ITGB4: variants seen among roughly 807,000 people sequenced by gnomAD.
ITGB4 encodes integrin beta-4.
A neutral mutation model predicts 207.6 loss-of-function variants in ITGB4; 159 were observed. That is an observed-to-expected ratio of 0.77 (90% confidence interval 0.67 to 0.87). The LOEUF (loss-of-function observed/expected upper bound fraction) is 0.87. Ranked by LOEUF, ITGB4 falls within the 40% of genes least tolerant of loss-of-function variation. ITGB4 has a pLI of 0.00. For missense variants in ITGB4, 2,278 were observed against 2,546.8 expected (o/e 0.89, Z 2.27); for synonymous variants, 1,020 against 1,062.7 (o/e 0.96, Z 0.78).
chr17:75,730,499 T>C lies in ITGB4; in HGVS notation c.997T>C (p.Tyr333His), dbSNP rs761952496. The C allele has an allele frequency of 1.3e-5, 21 of 1,613,518 alleles. No individual in the cohort carries two copies. Among genetic ancestry groups the C allele is most frequent in the Non-Finnish European group, 1.8e-5 (21 of 1,179,996 alleles). The part of the protein sequence containing the change: ...FAVTNYSYSY[Y>H]EKLHTYFPVS... ...TGTCACCAACTACTCCTATAGCTACTACGAGGTGCGGGGCCCAGGTCCCAC... is the reference window on the plus strand; with the variant it reads ...TGTCACCAACTACTCCTATAGCTACCACGAGGTGCGGGGCCCAGGTCCCAC... The change falls in exon 8 of 40, where the codon TAC becomes CAC. Residue 333 changes from tyrosine to histidine, a missense_variant. Transcript: ENST00000200181.
intron 35 of ITGB4, 45 bp from the exon 36 acceptor site, chr17:75,756,384 G>A: frequency 6.2e-7 from 1 of 1,604,240 alleles, no homozygotes; most frequent in South Asian, 1.1e-5. Context: ...GGCCAGGGGT[G>A]GGAGTAACAC....
At chr17:75,748,576 G>T (rs2061286440) in intron 26 of ITGB4, among the ~76,000 whole-genome samples, 2 of 151,706 alleles carry the variant, frequency 1.3e-5, no homozygotes, top group South Asian at 4.2e-4. Context: ...AAGATGAGGT[G>T]TGAGAATCAT....
In ITGB4 at chr17:75,752,294, G is replaced by A; in HGVS notation, c.3914G>A (p.Gly1305Asp). The A allele has an allele frequency of 6.2e-7, 1 of 1,613,272 alleles. No homozygotes were observed. Among genetic ancestry groups the A allele is most frequent in the Non-Finnish European group, 8.5e-7 (1 of 1,180,026 alleles). ...RYTVKARNGA[G>D]WGPEREAIIN... ...ACGGTGAAGGCGCGCAACGGGGCCGGCTGGGGGCCTGAGCGGGAGGCCATC... is the reference window on the plus strand; with the variant it reads ...ACGGTGAAGGCGCGCAACGGGGCCGACTGGGGGCCTGAGCGGGAGGCCATC... Residue 1305 changes from glycine to aspartate, a missense_variant, in exon 31 of 40, where the codon GGC (glycine) becomes GAC (aspartate). By Grantham distance (94) the Gly-to-Asp change is moderately conservative. Coordinates refer to ENST00000200181, the MANE Select transcript of ITGB4 (RefSeq NM_000213.5).
chr17:75,741,054 G>A (rs770177049), intron 23 of ITGB4, 49 bp downstream of exon 23: 4 of 1,598,634 alleles, frequency 2.5e-6, no homozygotes, highest in Non-Finnish European at 3.4e-6. Flanking sequence ...CTGCCCGCCT[G>A]TCCCCAGCCC....
In ITGB4 at chr17:75,740,762, C is replaced by A; in HGVS notation, c.2551-31C>A. On this transcript the variant is annotated intron_variant, in intron 21 of 39. Coordinates refer to ENST00000200181, the MANE Select transcript of ITGB4 (RefSeq NM_000213.5). This position sits in a 1 kb window ranked among gnomAD's most constrained non-coding sequence, Gnocchi z 5.9. ...AGGGCTTGCCACGGGGTGGCCTAGG[C>A]CCAGCCTCACGCCCCTCCCTTGCCT... The A allele has an allele frequency of 6.2e-7, 1 of 1,611,188 alleles. No individual in the cohort carries two copies. Among genetic ancestry groups the A allele is most frequent in the Non-Finnish European group, 8.5e-7 (1 of 1,179,026 alleles).
rs1182343771 is a variant in ITGB4, at chr17:75,757,077, G to C, written c.5188G>C (p.Gly1730Arg). ...TTEGFGPERE[G>R]IITIESQDGG... ...TGAGGGCTTCGGGCCAGAGCGCGAG[G>C]GCATCATCACCATAGAGTCCCAGGA... The change falls in exon 38 of 40, where the codon GGC becomes CGC. Residue 1730 changes from glycine to arginine, a missense_variant. Coordinates refer to ENST00000200181, the MANE Select transcript of ITGB4 (RefSeq NM_000213.5). 3.7e-6 allele frequency: 6 copies of C among 1,612,904 alleles called. No individual in the cohort carries two copies. The highest frequency in any genetic ancestry group is 5.1e-6 in the Non-Finnish European group (6 of 1,179,934).
At chr17:75,751,989 G>A (rs991085176) in intron 30 of ITGB4, 185 bp from the exon 31 acceptor site, 1 of 743,222 alleles carries the variant, frequency 1.3e-6, no homozygotes, top group Non-Finnish European at 2.4e-6. Flanking sequence ...GGTGACATAT[G>A]TCCACGCCAG....
Position 75,732,715 on chromosome 17 carries a change from G to A in ITGB4, c.1454+476G>A, listed in dbSNP as rs555432292. Among the ~76,000 whole-genome samples, 37 of 152,282 alleles carry A rather than the reference G, an allele frequency of 2.4e-4. No homozygotes were observed. Among genetic ancestry groups the A allele is most frequent in the African/African-American group, 8.2e-4 (34 of 41,546 alleles). On this transcript the variant is annotated intron_variant, in intron 12 of 39. Coordinates refer to ENST00000200181, the MANE Select transcript of ITGB4 (RefSeq NM_000213.5). This position sits in a 1 kb window ranked among gnomAD's most constrained non-coding sequence, Gnocchi z 5.3. ...GACATGACAGGGCACTGGGGTTTAG[G>A]TCTCAGCTCAGCCACTTCTGTCTGC... is the stretch of plus-strand genomic sequence containing the variant.
chr17:75,736,423 A>G, intron 15 of ITGB4, 37 bp downstream of exon 15: 1 of 1,611,206 alleles, frequency 6.2e-7, no homozygotes, highest in Non-Finnish European at 8.5e-7. Flanking sequence ...GCGTGGGAAC[A>G]GGGCAGGCAC....
In ITGB4 at chr17:75,737,853, A is replaced by G. The variant is rs9909088; in HGVS notation, c.2220+209A>G. Among the ~76,000 whole-genome samples the G allele has an allele frequency of 0.23, 33,707 of 145,166 alleles. 4,468 individuals are homozygous for G. The highest frequency in any genetic ancestry group is 0.37 in the African/African-American group (14,605 of 38,978). On this transcript the variant is annotated intron_variant, in intron 18 of 39. Transcript: ENST00000200181. ...GGTCCCCACCTCCCCAGTGTCCTCA[A>G]CCCCCTCCTGGGTCCCCACCTCACC...
chr17:75,748,742 G>A, intron 26 of ITGB4, 99 bp from the exon 27 acceptor site: 1 of 829,498 alleles, frequency 1.2e-6, no homozygotes, highest in Non-Finnish European at 1.9e-6. Flanking sequence ...AAGCAGGGAT[G>A]GTCTCTGCAG....
Position 75,742,307 on chromosome 17 carries a change from C to T in ITGB4, c.2634-34C>T. 1 of 1,612,888 alleles carries T rather than the reference C, an allele frequency of 6.2e-7. No homozygotes were observed. Among genetic ancestry groups the T allele is most frequent in the Non-Finnish European group, 8.5e-7 (1 of 1,179,908 alleles). On this transcript the variant is annotated intron_variant, in intron 23 of 39. Transcript: ENST00000200181. The surrounding 1 kb of genome is among the most constrained non-coding windows in gnomAD (Gnocchi z 5.9). ...CAGGGCAGCAGGTGCCAGCCTGACC[C>T]CTCCGCTGCCTGAACCTTCCACCCT...
chr17:75,733,626 T>G lies in ITGB4; in HGVS notation c.1591T>G (p.Tyr531Asp). Reference sequence around the variant, plus strand: ...CTGTGTGTGCTACGGCGAAGGCCGCTACGAGGGTCAGTTCTGCGAGTATGA... The same window carrying G: ...CTGTGTGTGCTACGGCGAAGGCCGCGACGAGGGTCAGTTCTGCGAGTATGA... Reference protein sequence around the residue: ...GHCVCYGEGRYEGQFCEYDNF... With the variant: ...GHCVCYGEGRDEGQFCEYDNF... Residue 531 changes from tyrosine (Y) to aspartate (D), a missense_variant, in exon 13 of 40, where the codon TAC (tyrosine) becomes GAC (aspartate). By Grantham distance (160) the Tyr-to-Asp change is radical. Transcript: ENST00000200181. 1 of 1,614,212 alleles carries G rather than the reference T, an allele frequency of 6.2e-7. No individual in the cohort carries two copies. Among genetic ancestry groups the G allele is most frequent in the Non-Finnish European group, 8.5e-7 (1 of 1,180,046 alleles).
At position 75,749,095 on chromosome 17, in the gene ITGB4, G is replaced by T. The variant is rs759360682; in HGVS notation, c.3316+50G>T. 4.7e-6 allele frequency: 7 copies of T among 1,480,626 alleles called. No individual in the cohort carries two copies. The African/African-American group carries it at 9.6e-5, about 20-fold the overall frequency. The allele number at this position is 1,480,626 out of a possible 1,614,324, so 91.7% of individuals were successfully genotyped here. A position where few individuals can be genotyped will look rare whatever the true frequency, so the allele number is the denominator to read the frequency against. On this transcript the variant is annotated intron_variant, in intron 27 of 39. Coordinates refer to ENST00000200181, the MANE Select transcript of ITGB4 (RefSeq NM_000213.5). Reference sequence around the variant, plus strand: ...TAAGCAGGAGGAGAGGGAAGACTGGGGGGTCTCTCAACTAGGTCTGTCAGA... The same window carrying T: ...TAAGCAGGAGGAGAGGGAAGACTGGTGGGTCTCTCAACTAGGTCTGTCAGA...
Position 75,731,397 on chromosome 17 carries a change from G to C in ITGB4, c.1215+29G>C. On this transcript the variant is annotated intron_variant, in intron 10 of 39. Coordinates refer to ENST00000200181, the MANE Select transcript of ITGB4 (RefSeq NM_000213.5). The surrounding 1 kb of genome is among the most constrained non-coding windows in gnomAD (Gnocchi z 6.8). ...CGCCTCTGTGGGGGCAGCGGGGTGG[G>C]GGATAGGCACAGCGCCCCACACCGA... The C allele has an allele frequency of 6.3e-7, 1 of 1,597,004 alleles. No homozygotes were observed. The highest frequency in any genetic ancestry group is 8.6e-7 in the Non-Finnish European group (1 of 1,168,888).
Position 75,753,947 on chromosome 17 carries a change from C to T in ITGB4, c.4291C>T (p.Arg1431Cys). 5 of 1,272,036 alleles carry T rather than the reference C, an allele frequency of 3.9e-6. No homozygotes were observed. The highest frequency in any genetic ancestry group is 3.9e-6 in the Non-Finnish European group (4 of 1,014,392). 78.8% of individuals were successfully genotyped at this position (1,272,036 alleles called of 1,614,324 possible). A position where few individuals can be genotyped will look rare whatever the true frequency, so the allele number is the denominator to read the frequency against. Reference sequence around the variant, plus strand: ...GGGCGGGAAGGGCGGCAGCCTGCCCCGCAGTGCGACACCCGGGCCCCCCGG... The same window carrying T: ...GGGCGGGAAGGGCGGCAGCCTGCCCTGCAGTGCGACACCCGGGCCCCCCGG... ...GAGGKGGSLP[R>C]SATPGPPGEH... The change falls in exon 33 of 40, where the codon CGC becomes TGC. Residue 1431 changes from arginine to cysteine, a missense_variant. Physicochemically the swap from Arg to Cys is radical, Grantham distance 180. Coordinates refer to ENST00000200181, the MANE Select transcript of ITGB4 (RefSeq NM_000213.5).
intron 36 of ITGB4, 42 bp downstream of exon 36, chr17:75,756,659 C>T (rs1023347577): frequency 6.2e-6 from 10 of 1,613,002 alleles, no homozygotes; most frequent in Non-Finnish European, 7.6e-6. Flanking sequence ...CCCATCATGC[C>T]CACCACCCAC....
rs1043398179 is a variant in ITGB4, at chr17:75,757,284, C to T, written c.5303C>T (p.Thr1768Ile). ...SEYSSITTTH[T>I]SATEPFLVDG... is the part of the protein sequence containing the mutation. ...TACAGCAGCATCACCACCACCCACA[C>T]CAGCGCCACCGAGCCCTTCCTAGTG... The change falls in exon 39 of 40, where the codon ACC becomes ATC. Residue 1768 changes from threonine (T) to isoleucine (I), a missense_variant. Physicochemically the swap from Thr to Ile is moderately conservative, Grantham distance 89. Transcript: ENST00000200181. 5.0e-6 allele frequency: 8 copies of T among 1,612,026 alleles called. No homozygotes were observed. Among genetic ancestry groups the T allele is most frequent in the Non-Finnish European group, 5.1e-6 (6 of 1,180,004 alleles).
At chr17:75,737,220 G>A in intron 16 of ITGB4, 102 bp from the exon 17 acceptor site, 1 of 1,427,748 alleles carries the variant, frequency 7.0e-7, no homozygotes. Flanking sequence ...GCCCTGCCGT[G>A]GGTGAGGCAG....
Sources: gnomAD v4.1 joint callset for allele counts (sites outside exome capture counted in the v4.1 genomes callset) on GRCh38, gnomAD v4.1.1 for gene constraint, Gnocchi (gnomAD v3.1) non-coding constraint, MANE v1.5 for transcripts, NCBI Gene and HGNC (gene_info 2026-07-23, HGNC 2026-07-21) for gene names.